MRPS28: variants seen among roughly 807,000 people sequenced by gnomAD.
The protein encoded by MRPS28 is mitochondrial ribosomal protein S28, also known as small ribosomal subunit protein bS1m.
A neutral mutation model predicts 10.8 loss-of-function variants in MRPS28; 7 were observed. That is an observed-to-expected ratio of 0.65 (90% CI 0.37 to 1.22). The LOEUF (loss-of-function observed/expected upper bound fraction) is 1.22, where lower values mean the gene tolerates loss of function less well. Ranked by LOEUF, MRPS28 falls within the 50% of genes most tolerant of loss-of-function variation. The probability of loss-of-function intolerance (pLI) is 0.02; values close to 1 mark genes in which losing one functional copy is unlikely to be tolerated. For missense variants in MRPS28, 265 were observed against 232.9 expected, an observed-to-expected ratio of 1.14 and a Z score of -0.90; for synonymous variants, 121 against 93.3, an observed-to-expected ratio of 1.30 and a Z score of -1.71.
At chr8:79,997,879 A>G (rs1436278424) in intron 2 of MRPS28, among the ~76,000 whole-genome samples, 2 of 151,878 alleles carry the variant, frequency 1.3e-5, no homozygotes, top group African/African-American at 4.8e-5. Context: ...ACACGGCAAA[A>G]CCCTGTCTCC....
At chr8:79,988,870 A>C (rs964073397) in intron 2 of MRPS28, among the ~76,000 whole-genome samples, 1 of 152,162 alleles carries the variant, frequency 6.6e-6, no homozygotes, top group African/African-American at 2.4e-5. Flanking sequence ...CATGCCAAAA[A>C]CTACTGTATC....
chr8:79,959,953 C>T (rs565231243), intron 2 of MRPS28, among the ~76,000 whole-genome samples: 1 of 152,138 alleles, frequency 6.6e-6, no homozygotes, highest in Non-Finnish European at 1.5e-5. Context: ...TTAAACGTCT[C>T]AACACTGCCA....
intron 1 of MRPS28, among the ~76,000 whole-genome samples, chr8:80,020,986 T>C (rs1809342758): frequency 6.6e-6 from 1 of 151,702 alleles, no homozygotes; most frequent in Admixed American, 6.6e-5. Context: ...AGTACGAATA[T>C]ATATATTCGC....
intron 2 of MRPS28, among the ~76,000 whole-genome samples, chr8:79,988,629 A>C (rs942721345): frequency 6.6e-6 from 1 of 152,362 alleles, no homozygotes; most frequent in Non-Finnish European, 1.5e-5. Context: ...GGAGACATAA[A>C]AAACACAAAT....
Position 79,919,164 on chromosome 8 carries a change from A to C in MRPS28, c.396-16T>G. 1.3e-6 allele frequency: 2 copies of C among 1,544,058 alleles called. No individual in the cohort carries two copies. The highest frequency in any genetic ancestry group is 1.7e-6 in the Non-Finnish European group (2 of 1,150,442). On this transcript the variant is annotated splice_polypyrimidine_tract_variant and intron_variant, in intron 2 of 2. Transcript: ENST00000276585. ...CTGGTATTTCCTAAATAGTTAAAAA[A>C]AAAAAAATCCATTAATTCTGAATAT...
intron 1 of MRPS28, among the ~76,000 whole-genome samples, chr8:80,012,150 T>C (rs889963481): frequency 6.6e-5 from 10 of 152,224 alleles, no homozygotes; most frequent in Non-Finnish European, 1.3e-4. Flanking sequence ...TATTATATTT[T>C]GCAAGGAAGT....
At chr8:79,942,726 A>T (rs1306113374) in intron 2 of MRPS28, among the ~76,000 whole-genome samples, 1 of 152,196 alleles carries the variant, frequency 6.6e-6, no homozygotes, top group African/African-American at 2.4e-5. Flanking sequence ...TTATCATTTA[A>T]AGTTAACTAA....
chr8:79,939,966 T>G (rs1806722550), intron 2 of MRPS28, among the ~76,000 whole-genome samples: 2 of 121,892 alleles, frequency 1.6e-5, no homozygotes, highest in African/African-American at 6.9e-5. Context: ...AGAGCAAGAC[T>G]CCGTCTCAAA....
chr8:79,968,141 T>C (rs1266422483), intron 2 of MRPS28, among the ~76,000 whole-genome samples: 4 of 152,144 alleles, frequency 2.6e-5, no homozygotes, highest in Non-Finnish European at 5.9e-5. Flanking sequence ...TCTTAATTTG[T>C]CTTATTATAT....
At chr8:80,022,991 T>C (rs1322907218) in intron 1 of MRPS28, among the ~76,000 whole-genome samples, 1 of 152,226 alleles carries the variant, frequency 6.6e-6, no homozygotes, top group Non-Finnish European at 1.5e-5. Context: ...AAGAAATGTA[T>C]AGTACTGCTT....
In MRPS28 at chr8:80,018,573, T is replaced by G. The variant is rs146204444; in HGVS notation, c.213+11463A>C. Among the ~76,000 whole-genome samples the G allele has an allele frequency of 5.6e-4, 85 of 152,276 alleles. No homozygotes were observed. In the East Asian group the frequency reaches 6.0e-3, roughly 11 times the overall value. On this transcript the variant is annotated intron_variant, in intron 1 of 2. Coordinates refer to ENST00000276585, the MANE Select transcript of MRPS28 (RefSeq NM_014018.3). ...AGTACAACCACTCTGAAAAACAGTT[T>G]GAAGTTCCACAAAAAACAAATAACC...
At chr8:79,958,651 G>A (rs1383294959) in intron 2 of MRPS28, among the ~76,000 whole-genome samples, 3 of 152,108 alleles carry the variant, frequency 2.0e-5, no homozygotes, top group Non-Finnish European at 4.4e-5. Flanking sequence ...GTGATTTAGC[G>A]ATTTAGTGAA....
intron 2 of MRPS28, among the ~76,000 whole-genome samples, chr8:80,001,124 C>A (rs1808649830): frequency 6.6e-6 from 1 of 152,102 alleles, no homozygotes; most frequent in Admixed American, 6.5e-5. Flanking sequence ...CAAAATATAT[C>A]TTTTTATAAA....
intron 2 of MRPS28, among the ~76,000 whole-genome samples, chr8:79,935,656 G>A (rs904453637): frequency 9.2e-5 from 14 of 152,190 alleles, no homozygotes; most frequent in African/African-American, 2.4e-4. Context: ...AGTCTAGAAT[G>A]TCATTTATGT....
At chr8:79,963,400 G>C (rs989023319) in intron 2 of MRPS28, among the ~76,000 whole-genome samples, 17 of 152,038 alleles carry the variant, frequency 1.1e-4, no homozygotes, top group Non-Finnish European at 2.4e-4. Flanking sequence ...CATGGGGGCG[G>C]TAACCAGATG....
chr8:79,931,154 AG>A (rs773095623), intron 2 of MRPS28, among the ~76,000 whole-genome samples: 1 of 152,204 alleles, frequency 6.6e-6, no homozygotes, highest in Non-Finnish European at 1.5e-5. Context: ...AGGGTAGAAT[AG>A]TGACTTATTT....
intron 1 of MRPS28, among the ~76,000 whole-genome samples, chr8:80,011,803 T>C (rs1453070648): frequency 3.3e-5 from 5 of 151,886 alleles, no homozygotes; most frequent in African/African-American, 4.8e-5. Flanking sequence ...AAAAACCAGA[T>C]GACACTAAGA....
intron 2 of MRPS28, among the ~76,000 whole-genome samples, chr8:80,001,414 A>G (rs1468970323): frequency 1.3e-5 from 2 of 152,130 alleles, no homozygotes; most frequent in Admixed American, 6.5e-5. Context: ...TCCTTCATAA[A>G]CCCTCCTTAA....
chr8:79,967,443 T>C (rs1269423893), intron 2 of MRPS28, among the ~76,000 whole-genome samples: 3 of 152,186 alleles, frequency 2.0e-5, no homozygotes, highest in Non-Finnish European at 4.4e-5. Context: ...TGGTTCCAGC[T>C]TTGTTCAGAT....
Sources: gnomAD v4.1 joint callset for allele counts (sites outside exome capture counted in the v4.1 genomes callset) on GRCh38, gnomAD v4.1.1 for gene constraint, MANE v1.5 for transcripts, NCBI Gene and HGNC (gene_info 2026-07-23, HGNC 2026-07-21) for gene names.